SMARCAL1: variants seen among roughly 807,000 people sequenced by gnomAD.
The protein encoded by SMARCAL1 is ATP-driven annealing helicase.
In SMARCAL1, 58 loss-of-function variants were observed where a neutral mutation model predicts 94.5. The observed-to-expected ratio is 0.61, with a 90% CI of 0.50 to 0.76. The LOEUF (loss-of-function observed/expected upper bound fraction) is 0.76. Ranked by LOEUF, SMARCAL1 falls within the 30% of genes least tolerant of loss-of-function variation. SMARCAL1 has a pLI of 0.00. For missense variants in SMARCAL1, 1,051 were observed against 1,177.9 expected, an observed-to-expected ratio of 0.89 and a Z score of 1.58; for synonymous variants, 422 against 455.1, an observed-to-expected ratio of 0.93 and a Z score of 0.93.
intron 12 of SMARCAL1, chr2:216,451,583 CATCCCCCTTTTTACAGAGA>C (rs1412458948): frequency 5.8e-6 from 1 of 172,518 alleles, no homozygotes; most frequent in Non-Finnish European, 1.3e-5. Context: ...AGGAAGTTGG[CATCCCCCTTTTTACAGAGA>C]GGGAAACTGA....
chr2:216,417,104 A>T (rs1007495116), intron 4 of SMARCAL1, among the ~76,000 whole-genome samples: 16 of 152,166 alleles, frequency 1.1e-4, no homozygotes, highest in Admixed American at 9.2e-4. Flanking sequence ...AAAGATAAGG[A>T]TGTATGCTTA....
rs780778758 is a variant in SMARCAL1 at position 216,475,364 on chromosome 2, C to G, written c.2340C>G (p.Ala780=). 2 of 1,614,172 alleles carry G rather than the reference C, an allele frequency of 1.2e-6. No individual in the cohort carries two copies. Among genetic ancestry groups the G allele is most frequent in the African/African-American group, 2.7e-5 (2 of 75,046 alleles). ...AACTGTCGGAGAGGCATGCTGTGGC[C>G]GTGCTGTCCATCACCGCTGCCAATA... The part of the protein sequence containing the change: ...QFQLSERHAV[A]VLSITAANMG... Residue 780 remains alanine (A), a synonymous_variant, in exon 15 of 18, where the codon GCC becomes GCG. Coordinates refer to ENST00000357276, the MANE Select transcript of SMARCAL1 (RefSeq NM_014140.4). The surrounding 1 kb of genome is among the most constrained non-coding windows in gnomAD (Gnocchi z 4.4).
intron 4 of SMARCAL1, among the ~76,000 whole-genome samples, chr2:216,418,025 A>G (rs1387259899): frequency 1.3e-5 from 2 of 151,898 alleles, no homozygotes; most frequent in Non-Finnish European, 2.9e-5. Context: ...GGTTCAAGTG[A>G]TTCTCCTGCC....
At chr2:216,477,262 G>A in intron 16 of SMARCAL1, 53 bp downstream of exon 16, 1 of 1,266,298 alleles carries the variant, frequency 7.9e-7, no homozygotes, top group Non-Finnish European at 1.1e-6. Flanking sequence ...GGTGGAAACT[G>A]ATGATATGTT....
intron 14 of SMARCAL1, among the ~76,000 whole-genome samples, chr2:216,468,601 G>T (rs1176860928): frequency 5.3e-5 from 8 of 152,222 alleles, no homozygotes; most frequent in African/African-American, 1.9e-4. Context: ...GCTGTAAATT[G>T]CTCTTTGTCT....
At chr2:216,433,877 C>T (rs1219680288) in intron 8 of SMARCAL1, among the ~76,000 whole-genome samples, 2 of 150,070 alleles carry the variant, frequency 1.3e-5, no homozygotes, top group African/African-American at 2.5e-5. Flanking sequence ...CTCCTACTGC[C>T]GGTCAGTCCA....
In SMARCAL1 at chr2:216,416,288, G is replaced by T. The variant is rs773461156; in HGVS notation, c.843G>T (p.Met281Ile). The change falls in exon 4 of 18, where the codon ATG (methionine) becomes ATT (isoleucine). Residue 281 changes from methionine to isoleucine, a missense_variant. Transcript: ENST00000357276. ...ACACCAAGACGTGGAACTTCAGCAT[G>T]AATGACTATAGTGCCCTGAGTAAGT... Reference protein sequence around the residue: ...DPDTKTWNFSMNDYSALMKAA... With the variant: ...DPDTKTWNFSINDYSALMKAA... The T allele has an allele frequency of 6.2e-7, 1 of 1,613,698 alleles. No homozygotes were observed. The highest frequency in any genetic ancestry group is 1.7e-5 in the Admixed American group (1 of 60,014).
intron 14 of SMARCAL1, among the ~76,000 whole-genome samples, chr2:216,474,180 C>T (rs1466629535): frequency 7.3e-6 from 1 of 136,520 alleles, no homozygotes; most frequent in Non-Finnish European, 1.5e-5. Flanking sequence ...CGCTCTGTCA[C>T]CCAGGCAGGA....
At position 216,435,373 on chromosome 2, in the gene SMARCAL1, T is replaced by C. The variant is rs1482127849; in HGVS notation, c.1521T>C (p.Asp507=). Residue 507 remains aspartate, a synonymous_variant, in exon 9 of 18, where the codon GAT becomes GAC. Transcript: ENST00000357276. ...FLRWLPSLSP[D]CINVVVTGKD... ...GGTGGCTGCCATCTCTGAGCCCAGA[T>C]TGCATCAACGTCGTGGTGACTGGGA... is the stretch of plus-strand genomic sequence containing the variant. 9 of 1,614,112 alleles carry C rather than the reference T, an allele frequency of 5.6e-6. No individual in the cohort carries two copies. In the Admixed American group the frequency reaches 1.5e-4, roughly 27 times the overall value.
At position 216,415,324 on chromosome 2, in the gene SMARCAL1, TC is replaced by T. The variant is rs751582760; in HGVS notation, c.622del (p.His208IlefsTer7). The T allele has an allele frequency of 1.2e-6, 2 of 1,614,074 alleles. No individual in the cohort carries two copies. Among genetic ancestry groups the T allele is most frequent in the African/African-American group, 2.7e-5 (2 of 74,928 alleles). ...ASPSGQNISY[I>X]HSSSESVTPR... ...CCTTCGGGGCAGAACATTTCTTACA[TC>T]CATTCTAGCTCAGAGAGTGTAACGC... On this transcript the variant is annotated frameshift_variant, in exon 3 of 18. Transcript: ENST00000357276. LOFTEE classifies it high-confidence loss of function.
intron 14 of SMARCAL1, among the ~76,000 whole-genome samples, chr2:216,472,784 ATT>A (rs34468916): frequency 1.3e-5 from 2 of 149,694 alleles, no homozygotes; most frequent in African/African-American, 2.5e-5. Context: ...GAAAAATAAA[ATT>A]TTTTTTTTTA....
chr2:216,447,390 C>T (rs1694342504), intron 11 of SMARCAL1, among the ~76,000 whole-genome samples: 1 of 152,212 alleles, frequency 6.6e-6, no homozygotes, highest in East Asian at 1.9e-4. Context: ...CCGAAGTCAT[C>T]GTTTTCCAGT....
At chr2:216,426,215 T>G (rs1226243545) in intron 6 of SMARCAL1, among the ~76,000 whole-genome samples, 2 of 152,230 alleles carry the variant, frequency 1.3e-5, no homozygotes, top group Non-Finnish European at 2.9e-5. Context: ...CTTCTCGCTT[T>G]TGTCTTTCAA....
At chr2:216,464,104 G>T (rs1288434497) in intron 12 of SMARCAL1, among the ~76,000 whole-genome samples, 3 of 152,150 alleles carry the variant, frequency 2.0e-5, no homozygotes, top group Admixed American at 6.5e-5. Context: ...AGGGTCCATT[G>T]GAATTGATTC....
chr2:216,470,226 C>G (rs1694932205), intron 14 of SMARCAL1, among the ~76,000 whole-genome samples: 1 of 152,164 alleles, frequency 6.6e-6, no homozygotes, highest in Non-Finnish European at 1.5e-5. Flanking sequence ...TCTTAGCTCA[C>G]TATAGCCTCC....
intron 11 of SMARCAL1, among the ~76,000 whole-genome samples, chr2:216,450,219 A>G (rs1157459537): frequency 6.6e-6 from 1 of 152,192 alleles, no homozygotes; most frequent in Non-Finnish European, 1.5e-5. Flanking sequence ...GAGCTCCTCA[A>G]CGAGGGAGCC....
Position 216,415,078 on chromosome 2 carries a change from C to A in SMARCAL1, c.374C>A (p.Pro125His). 6.2e-7 allele frequency: 1 copy of A among 1,614,226 alleles called. No individual in the cohort carries two copies. Among genetic ancestry groups the A allele is most frequent in the Non-Finnish European group, 8.5e-7 (1 of 1,180,040 alleles). ...SQMALTGISP[P>H]LAQSPPEVPK... ...ATGGCTCTCACTGGAATCTCTCCTC[C>A]CTTGGCACAAAGTCCTCCAGAGGTC... The change falls in exon 3 of 18, where the codon CCC becomes CAC. Residue 125 changes from proline (P) to histidine (H), a missense_variant. Physicochemically the swap from Pro to His is moderately conservative, Grantham distance 77. This residue lies in a region of SMARCAL1 where 398 missense variants were observed against 395.2 expected (regional missense o/e 1.01). Transcript: ENST00000357276.
chr2:216,435,624 G>A, intron 9 of SMARCAL1, 128 bp downstream of exon 9: 2 of 848,282 alleles, frequency 2.4e-6, no homozygotes, highest in Middle Eastern at 2.7e-4. Flanking sequence ...AGAAATCACT[G>A]TCTTTATTTT....
intron 12 of SMARCAL1, among the ~76,000 whole-genome samples, chr2:216,453,896 G>A (rs549316969): frequency 6.6e-6 from 1 of 152,306 alleles, no homozygotes; most frequent in South Asian, 2.1e-4. Context: ...AGGTGAAGGA[G>A]CCAATTTATA....
Sources: gnomAD v4.1 joint callset for allele counts (sites outside exome capture counted in the v4.1 genomes callset) on GRCh38, gnomAD v4.1.1 for gene constraint, gnomAD v4.1.1 regional missense constraint, Gnocchi (gnomAD v3.1) non-coding constraint, MANE v1.5 for transcripts, NCBI Gene and HGNC (gene_info 2026-07-23, HGNC 2026-07-21) for gene names.